Variants in RBFOX3 observed in about 807,000 individuals in gnomAD.
RBFOX3 encodes the protein RNA binding protein fox-1 homolog 3.
RBFOX3 carries 17 observed loss-of-function variants against 48.7 expected under a neutral mutation model. The observed-to-expected ratio is 0.35, with a 90% CI of 0.24 to 0.52. The LOEUF is 0.52. RBFOX3 is among the 20% of genes least tolerant of loss of function. The pLI is 0.94. For synonymous variants in RBFOX3, 212 were observed against 209.5 expected, an observed-to-expected ratio of 1.01 and a Z score of -0.10; for missense variants, 382 against 497.5, an observed-to-expected ratio of 0.77 and a Z score of 2.21.
At chr17:79,484,385 G>A (rs1003423404) in intron 1 of RBFOX3, among the ~76,000 whole-genome samples, 4 of 152,190 alleles carry the variant, frequency 2.6e-5, no homozygotes, top group African/African-American at 4.8e-5. Flanking sequence ...GGGTGTGGGA[G>A]CCACTCTTCA....
intron 2 of RBFOX3, among the ~76,000 whole-genome samples, chr17:79,367,517 G>A (rs1048725799): frequency 2.0e-5 from 3 of 152,070 alleles, no homozygotes; most frequent in African/African-American, 4.8e-5. Context: ...CTGGGCTACA[G>A]GTGTCAGGAG....
rs553297653 is a variant in RBFOX3, at chr17:79,110,657, G to A, written c.223-3869C>T. Among the ~76,000 whole-genome samples, 15 of 152,374 alleles carry A rather than the reference G, an allele frequency of 9.8e-5. No homozygotes were observed. The South Asian group carries it at 2.7e-3, about 27-fold the overall frequency. On this transcript the variant is annotated intron_variant, in intron 5 of 14. Transcript: ENST00000693108. ...GTCAGCCTTGGAGGAGGGGTTCTCTGCGTGTGGTCTCAACCTATCCACTGG... is the reference window on the plus strand; with the variant it reads ...GTCAGCCTTGGAGGAGGGGTTCTCTACGTGTGGTCTCAACCTATCCACTGG...
chr17:79,377,210 G>C (rs2059320186), intron 2 of RBFOX3, among the ~76,000 whole-genome samples: 1 of 150,684 alleles, frequency 6.6e-6, no homozygotes, highest in South Asian at 2.1e-4. Flanking sequence ...TGTACACAAA[G>C]ATACACACAC....
intron 2 of RBFOX3, among the ~76,000 whole-genome samples, chr17:79,322,610 G>A (rs1306764372): frequency 2.6e-5 from 4 of 152,192 alleles, no homozygotes; most frequent in East Asian, 3.9e-4. Context: ...GCACGACCCC[G>A]AAGGGAGGGG....
intron 2 of RBFOX3, among the ~76,000 whole-genome samples, chr17:79,383,242 C>T (rs1450715559): frequency 6.6e-6 from 1 of 152,218 alleles, no homozygotes; most frequent in Non-Finnish European, 1.5e-5. Context: ...CCACCCCTCG[C>T]CTCCTTCACC....
chr17:79,434,703 T>C (rs1159619139), intron 2 of RBFOX3, among the ~76,000 whole-genome samples: 7 of 152,114 alleles, frequency 4.6e-5, no homozygotes, highest in African/African-American at 1.7e-4. Flanking sequence ...GCCCAGACAA[T>C]TGTGCATTGT....
At chr17:79,420,125 T>TCACACACACACA (rs1362849426) in intron 2 of RBFOX3, among the ~76,000 whole-genome samples, 18 of 25,210 alleles carry the variant, frequency 7.1e-4, no homozygotes, top group Admixed American at 1.7e-3. Context: ...AGACTCCGTC[T>TCACACACACACA]CATACACACA....
chr17:79,303,375 T>A (rs1474196569), intron 3 of RBFOX3, among the ~76,000 whole-genome samples: 1 of 152,110 alleles, frequency 6.6e-6, no homozygotes, highest in Non-Finnish European at 1.5e-5. Flanking sequence ...GTCTGAGTGG[T>A]CTTGGGGAAG....
At chr17:79,377,553 C>G (rs953461047) in intron 2 of RBFOX3, among the ~76,000 whole-genome samples, 3 of 152,206 alleles carry the variant, frequency 2.0e-5, no homozygotes, top group Admixed American at 6.5e-5. Flanking sequence ...GGTGCGGCGG[C>G]CGAGGAACTC....
At chr17:79,109,278 C>T (rs969914041) in intron 5 of RBFOX3, among the ~76,000 whole-genome samples, 6 of 152,162 alleles carry the variant, frequency 3.9e-5, no homozygotes, top group Admixed American at 3.9e-4. Context: ...TGAGCTTTGG[C>T]ACGGAGGCAT....
In RBFOX3 at chr17:79,094,663, TCCCCTCCTGCAAGGCCTGCAAGGCCTA is replaced by T. The variant is rs1298616817; in HGVS notation, c.999-161_999-135del. 22 of 533,958 alleles carry T rather than the reference TCCCCTCCTGCAAGGCCTGCAAGGCCTA, an allele frequency of 4.1e-5. No homozygotes were observed. In the African/African-American group the frequency reaches 4.3e-4, roughly 10 times the overall value. 33.1% of individuals were successfully genotyped at this position (533,958 alleles called of 1,614,324 possible). ...CCGAGGTCCCATCTGCAAGGCACCC[TCCCCTCCTGCAAGGCCTGCAAGGCCTA>T]CCCCTCCTTCTTGTTAAGAAGGAAG... On this transcript the variant is annotated intron_variant, in intron 13 of 14. Transcript: ENST00000693108.
intron 2 of RBFOX3, among the ~76,000 whole-genome samples, chr17:79,456,636 T>A (rs2074540738): frequency 6.6e-6 from 1 of 152,192 alleles, no homozygotes; most frequent in Non-Finnish European, 1.5e-5. Context: ...CATCATTTTA[T>A]AAAGACACTG....
At chr17:79,227,076 C>T (rs1384377189) in intron 4 of RBFOX3, among the ~76,000 whole-genome samples, 1 of 152,216 alleles carries the variant, frequency 6.6e-6, no homozygotes, top group Non-Finnish European at 1.5e-5. Context: ...GTGTCTCTTC[C>T]CTCCCTCCTT....
intron 2 of RBFOX3, among the ~76,000 whole-genome samples, chr17:79,399,064 C>T (rs879563065): frequency 1.3e-5 from 2 of 152,102 alleles, no homozygotes; most frequent in Non-Finnish European, 2.9e-5. Flanking sequence ...TGGAGTGACG[C>T]GGCTACAAGC....
chr17:79,207,599 C>T (rs926709063), intron 4 of RBFOX3, among the ~76,000 whole-genome samples: 1 of 152,240 alleles, frequency 6.6e-6, no homozygotes. Context: ...GCAAAGGGAT[C>T]TGGGATTTCT....
At chr17:79,620,156 C>T in the RBFOX3 span, among the ~76,000 whole-genome samples, 14 of 61,004 alleles carry the variant, frequency 2.3e-4, no homozygotes, top group African/African-American at 5.9e-4. Context: ...CACATGCACG[C>T]GCGGACATGC....
chr17:79,313,255 T>TG (rs1453570573), intron 2 of RBFOX3, among the ~76,000 whole-genome samples: 1 of 152,136 alleles, frequency 6.6e-6, no homozygotes, highest in Non-Finnish European at 1.5e-5. Context: ...CAGGCAGGGC[T>TG]GGGGGAGGCT....
chr17:79,433,675 ACCCAGCCCAG>A (rs143941362), intron 2 of RBFOX3, among the ~76,000 whole-genome samples: 10 of 151,864 alleles, frequency 6.6e-5, no homozygotes, highest in South Asian at 4.2e-4. Context: ...CAGCTGCAGC[ACCCAGCCCAG>A]CCCAGCCCAG....
intron 1 of RBFOX3, among the ~76,000 whole-genome samples, chr17:79,503,036 C>T (rs1393871302): frequency 2.0e-5 from 3 of 152,290 alleles, no homozygotes; most frequent in South Asian, 2.1e-4. Flanking sequence ...GCAGCGTGGT[C>T]GGGTTTTGTG....
Sources: allele counts gnomAD v4.1 joint callset (sites outside exome capture counted in the v4.1 genomes callset), GRCh38; gene constraint gnomAD v4.1.1; transcripts MANE v1.5; gene names NCBI Gene and HGNC (gene_info 2026-07-23, HGNC 2026-07-21).